Variants in VWA3B observed in about 807,000 individuals in gnomAD.
VWA3B encodes von Willebrand factor A domain-containing protein 3B.
A neutral mutation model predicts 158.3 loss-of-function variants in VWA3B; 138 were observed. The observed-to-expected ratio is 0.87, with a 90% CI of 0.76 to 1.00. The LOEUF is 1.00. VWA3B is among the 50% of genes least tolerant of loss of function. The pLI is 0.00. For missense variants in VWA3B, 1,555 were observed against 1,565.1 expected (o/e 0.99, Z 0.11); for synonymous variants, 596 against 587.3 (o/e 1.01, Z -0.21).
chr2:98,235,887 AATACACATTT>A (rs1409555608), intron 17 of VWA3B, among the ~76,000 whole-genome samples: 1 of 152,244 alleles, frequency 6.6e-6, no homozygotes, highest in Non-Finnish European at 1.5e-5. Context: ...TTCATTTATA[AATACACATTT>A]ATATAAGGAT....
At chr2:98,140,581 G>A (rs1573884755) in intron 7 of VWA3B, among the ~76,000 whole-genome samples, 1 of 152,128 alleles carries the variant, frequency 6.6e-6, no homozygotes, top group South Asian at 2.1e-4. Flanking sequence ...CTGTGTGAAG[G>A]TATTCCTGCC....
chr2:98,244,894 G>T (rs1209131269), intron 19 of VWA3B, among the ~76,000 whole-genome samples: 1 of 151,728 alleles, frequency 6.6e-6, no homozygotes, highest in East Asian at 1.9e-4. Flanking sequence ...ACAGTGGGGA[G>T]AATTCTAACA....
chr2:98,179,953 TTC>T (rs1280363617), intron 8 of VWA3B, among the ~76,000 whole-genome samples: 14 of 141,936 alleles, frequency 9.9e-5, no homozygotes, highest in Middle Eastern at 3.5e-3. Flanking sequence ...CTTTCTCTCT[TTC>T]TCTTTCTTTC....
chr2:98,220,929 A>T (rs921783502), intron 14 of VWA3B, among the ~76,000 whole-genome samples: 7 of 152,082 alleles, frequency 4.6e-5, no homozygotes, highest in African/African-American at 1.7e-4. Flanking sequence ...ATGAGAACAC[A>T]TGGACACAGG....
downstream of VWA3B, among the ~76,000 whole-genome samples, chr2:98,313,923 G>A (rs1004119777): frequency 2.0e-5 from 3 of 152,144 alleles, no homozygotes; most frequent in African/African-American, 4.8e-5. Flanking sequence ...CAATTACAAC[G>A]GTGAACTTCC....
chr2:98,317,427 C>T (rs970585773), downstream of VWA3B, among the ~76,000 whole-genome samples: 3 of 152,254 alleles, frequency 2.0e-5, no homozygotes, highest in Middle Eastern at 3.4e-3. Flanking sequence ...AAGTGGGGGT[C>T]GGAGGTGCCT....
At chr2:98,326,948 A>C in the VWA3B span, among the ~76,000 whole-genome samples, 6 of 151,346 alleles carry the variant, frequency 4.0e-5, no homozygotes, top group Non-Finnish European at 7.4e-5. Flanking sequence ...AAGAATTCTG[A>C]CCTCTGGAAA....
At chr2:98,220,636 T>C (rs920950080) in intron 14 of VWA3B, among the ~76,000 whole-genome samples, 1 of 152,186 alleles carries the variant, frequency 6.6e-6, no homozygotes, top group African/African-American at 2.4e-5. Context: ...CATTCTACTA[T>C]AAAGACACAT....
At chr2:98,302,136 A>C (rs1319021903) in intron 25 of VWA3B, among the ~76,000 whole-genome samples, 2 of 152,036 alleles carry the variant, frequency 1.3e-5, no homozygotes, top group African/African-American at 2.4e-5. Context: ...TGGAAGACTC[A>C]CTGCTTCCTG....
chr2:98,229,762 G>A (rs1359115579), intron 15 of VWA3B, among the ~76,000 whole-genome samples: 1 of 152,180 alleles, frequency 6.6e-6, no homozygotes, highest in Non-Finnish European at 1.5e-5. Context: ...GATGAGGAAA[G>A]TGAAGAAGTT....
intron 12 of VWA3B, among the ~76,000 whole-genome samples, chr2:98,208,923 A>G (rs1219583144): frequency 6.6e-6 from 1 of 152,126 alleles, no homozygotes; most frequent in Non-Finnish European, 1.5e-5. Context: ...CTTTAAGGGT[A>G]GGTCTCCCTG....
Position 98,162,932 on chromosome 2 carries a change from T to G in VWA3B, c.1070T>G (p.Leu357Arg), listed in dbSNP as rs1450873548. The change falls in exon 8 of 28, where the codon CTG becomes CGG. Residue 357 changes from leucine (L) to arginine (R), a missense_variant. By Grantham distance (102) the Leu-to-Arg change is moderately radical (BLOSUM62 -2). Coordinates refer to ENST00000477737, the MANE Select transcript of VWA3B (RefSeq NM_144992.5). ...AGCACGCTGGCCCAGATCCAGAGGCTGGTGGCCGAGCCTCCCAAGCCCGAC... is the reference window on the plus strand; with the variant it reads ...AGCACGCTGGCCCAGATCCAGAGGCGGGTGGCCGAGCCTCCCAAGCCCGAC... ...ACSTLAQIQR[L>R]VAEPPKPDVA... The G allele has an allele frequency of 6.2e-7, 1 of 1,614,114 alleles. No individual in the cohort carries two copies. The highest frequency in any genetic ancestry group is 1.1e-5 in the South Asian group (1 of 91,080).
rs138888029 is a variant in VWA3B at position 98,240,389 on chromosome 2, A to G, written c.2673+3659A>G. Reference sequence around the variant, plus strand: ...ATTGTGTTCTTCCTTCCCCTCTTACAAACATTCCTGTAACAGGTATCTTTG... The same window carrying G: ...ATTGTGTTCTTCCTTCCCCTCTTACGAACATTCCTGTAACAGGTATCTTTG... On this transcript the variant is annotated intron_variant, in intron 19 of 27. Transcript: ENST00000477737. Among the ~76,000 whole-genome samples, 204 of 152,306 alleles carry G rather than the reference A, an allele frequency of 1.3e-3. 2 individuals are homozygous for G. The Middle Eastern group carries it at 0.014, about 10-fold the overall frequency.
chr2:98,228,419 C>T (rs1419515806), intron 15 of VWA3B, 87 bp downstream of exon 15: 1 of 1,438,364 alleles, frequency 7.0e-7, no homozygotes, highest in Non-Finnish European at 9.2e-7. Flanking sequence ...TTCTGAAATG[C>T]TCTGTGAAAT....
chr2:98,202,838 T>C (rs1034892333), intron 12 of VWA3B, among the ~76,000 whole-genome samples: 1 of 152,142 alleles, frequency 6.6e-6, no homozygotes, highest in African/African-American at 2.4e-5. Context: ...TATTTATTTA[T>C]TTATTTATTT....
chr2:98,193,107 CTTG>C, intron 11 of VWA3B, 71 bp downstream of exon 11: 1 of 1,506,884 alleles, frequency 6.6e-7, no homozygotes, highest in Non-Finnish European at 8.9e-7. Context: ...TGGATAGGGG[CTTG>C]TTGCTCTAAA....
At position 98,312,420 on chromosome 2, in the gene VWA3B, T is replaced by C; in HGVS notation, c.*71T>C. ...GCTGTTCAGACCTCAGCGTTGACAC[T>C]GAAACTGGCCCCTCCGCGGAGGTAA... On this transcript the variant is annotated 3_prime_UTR_variant, in exon 28 of 28. Coordinates refer to ENST00000477737, the MANE Select transcript of VWA3B (RefSeq NM_144992.5). The C allele has an allele frequency of 6.6e-7, 1 of 1,526,322 alleles. No homozygotes were observed. 94.5% of individuals were successfully genotyped at this position (1,526,322 alleles called of 1,614,324 possible).
At chr2:98,247,124 A>G (rs1335317596) in intron 19 of VWA3B, among the ~76,000 whole-genome samples, 1 of 151,702 alleles carries the variant, frequency 6.6e-6, no homozygotes, top group Non-Finnish European at 1.5e-5. Flanking sequence ...CAGCCTCCCG[A>G]GTAGCTTGGA....
Position 98,290,614 on chromosome 2 carries a change from A to G in VWA3B, c.3149A>G (p.Tyr1050Cys), listed in dbSNP as rs1328938859. Reference sequence around the variant, plus strand: ...GCAAGATGTGATGAAAATGGCTTTTATTTTCCAGGTAGTTTTTTTTTTTTT... The same window carrying G: ...GCAAGATGTGATGAAAATGGCTTTTGTTTTCCAGGTAGTTTTTTTTTTTTT... The part of the protein sequence containing the change: ...VIARCDENGF[Y>C]FPGVVKKCVS... The change falls in exon 23 of 28, where the codon TAT becomes TGT. Residue 1050 changes from tyrosine to cysteine, a missense_variant. Physicochemically the swap from Tyr to Cys is radical, Grantham distance 194. Coordinates refer to ENST00000477737, the MANE Select transcript of VWA3B (RefSeq NM_144992.5). 1 of 1,584,716 alleles carries G rather than the reference A, an allele frequency of 6.3e-7. No homozygotes were observed. The highest frequency in any genetic ancestry group is 2.3e-5 in the East Asian group (1 of 44,178).
Sources: gnomAD v4.1 joint callset for allele counts (sites outside exome capture counted in the v4.1 genomes callset) on GRCh38, gnomAD v4.1.1 for gene constraint, MANE v1.5 for transcripts, NCBI Gene and HGNC (gene_info 2026-07-23, HGNC 2026-07-21) for gene names.